The following SLC38A4 variants were observed in gnomAD, a reference collection of about 807,000 sequenced individuals.
SLC38A4 encodes solute carrier family 38 member 4, also known as sodium-coupled neutral amino acid transporter 4.
In SLC38A4, 20 loss-of-function variants were observed where a neutral mutation model predicts 63.1. The ratio of observed to expected loss-of-function variants is 0.32; its 90% CI spans 0.22 to 0.46. The LOEUF (loss-of-function observed/expected upper bound fraction) is 0.46, where lower values mean the gene tolerates loss of function less well. SLC38A4 is among the 20% of genes least tolerant of loss of function. SLC38A4 has a pLI of 1.00. For synonymous variants in SLC38A4, 230 were observed against 225.5 expected, an observed-to-expected ratio of 1.02 and a Z score of -0.18; for missense variants, 526 against 663.6, an observed-to-expected ratio of 0.79 and a Z score of 2.28.
At position 46,822,332 on chromosome 12, in the gene SLC38A4, G is replaced by A. The variant is rs1268306224; in HGVS notation, c.-305+3571C>T. Among the ~76,000 whole-genome samples the A allele has an allele frequency of 2.0e-5, 3 of 151,992 alleles. No individual in the cohort carries two copies. In the East Asian group the frequency reaches 5.8e-4, roughly 29 times the overall value. On this transcript the variant is annotated intron_variant, in intron 1 of 16. Coordinates refer to ENST00000266579, the MANE Select transcript of SLC38A4 (RefSeq NM_018018.5). ...TACATATTTTTATGAGACCTAAGAT[G>A]GGAAGACTCCTTCTATTTGTTTCTG...
intron 1 of SLC38A4, among the ~76,000 whole-genome samples, chr12:46,814,705 G>A (rs1939404459): frequency 6.6e-6 from 1 of 151,916 alleles, no homozygotes; most frequent in South Asian, 2.1e-4. Flanking sequence ...ATGAATCAGT[G>A]CATGGATTAG....
intron 4 of SLC38A4, among the ~76,000 whole-genome samples, chr12:46,788,236 TA>T (rs1205452698): frequency 3.9e-5 from 6 of 152,088 alleles, no homozygotes; most frequent in Admixed American, 2.6e-4. Context: ...GAGGCCTCAG[TA>T]AAAATACAAA....
chr12:46,776,841 C>T, intron 13 of SLC38A4, 63 bp downstream of exon 13: 1 of 1,418,042 alleles, frequency 7.1e-7, no homozygotes. Context: ...ATCATACCTA[C>T]CCAGGTCAAG....
intron 5 of SLC38A4, among the ~76,000 whole-genome samples, chr12:46,786,587 C>A (rs180435): frequency 6.6e-6 from 1 of 151,908 alleles, no homozygotes; most frequent in African/African-American, 2.4e-5. Context: ...GGAAAGGCAG[C>A]TTTTTTTGTC....
chr12:46,785,738 C>CTTTT (rs11335369), intron 5 of SLC38A4, among the ~76,000 whole-genome samples: 2 of 66,920 alleles, frequency 3.0e-5, no homozygotes, highest in Non-Finnish European at 5.9e-5. Flanking sequence ...ACGAAAATTC[C>CTTTT]TTTTTTTTTT....
chr12:46,807,347 A>C (rs1159827794), intron 1 of SLC38A4, among the ~76,000 whole-genome samples: 2 of 151,944 alleles, frequency 1.3e-5, no homozygotes, highest in Non-Finnish European at 2.9e-5. Context: ...ATTCTCCAAG[A>C]AGTTACCTTT....
chr12:46,785,759 T>C (rs1938747994), intron 5 of SLC38A4, among the ~76,000 whole-genome samples: 1 of 147,262 alleles, frequency 6.8e-6, no homozygotes. Flanking sequence ...TTTTTTTTTT[T>C]TTTGCATTCA....
chr12:46,802,340 T>C (rs1939146906), intron 2 of SLC38A4, among the ~76,000 whole-genome samples: 1 of 152,222 alleles, frequency 6.6e-6, no homozygotes, highest in African/African-American at 2.4e-5. Context: ...TCATGAGTTC[T>C]GGATGCAGTA....
intron 3 of SLC38A4, among the ~76,000 whole-genome samples, chr12:46,792,043 G>T (rs1247377062): frequency 1.3e-5 from 2 of 152,116 alleles, no homozygotes; most frequent in Non-Finnish European, 2.9e-5. Flanking sequence ...TTCTCTTATG[G>T]CTATTGGAGA....
upstream of SLC38A4, among the ~76,000 whole-genome samples, chr12:46,826,443 T>C (rs1413794703): frequency 6.6e-6 from 1 of 152,206 alleles, no homozygotes; most frequent in Non-Finnish European, 1.5e-5. Context: ...AATCCTATTT[T>C]ATTGAGTGTT....
upstream of SLC38A4, among the ~76,000 whole-genome samples, chr12:46,827,881 T>C (rs1939680985): frequency 6.6e-6 from 1 of 152,154 alleles, no homozygotes; most frequent in Non-Finnish European, 1.5e-5. Flanking sequence ...TGCTTTCTAT[T>C]ATGGGGCCAT....
chr12:46,815,948 A>C (rs1939434484), intron 1 of SLC38A4, among the ~76,000 whole-genome samples: 1 of 151,884 alleles, frequency 6.6e-6, no homozygotes, highest in African/African-American at 2.4e-5. Flanking sequence ...ATACATAGAA[A>C]GCCCTGAAAA....
chr12:46,789,653 T>A (rs1240966804), intron 3 of SLC38A4, among the ~76,000 whole-genome samples: 2 of 152,218 alleles, frequency 1.3e-5, no homozygotes, highest in Non-Finnish European at 2.9e-5. Flanking sequence ...TTTAGTTGTT[T>A]TTATATAAAA....
chr12:46,778,742 A>G lies in SLC38A4; in HGVS notation c.752T>C (p.Leu251Pro). The G allele has an allele frequency of 6.2e-7, 1 of 1,612,766 alleles. No individual in the cohort carries two copies. Among genetic ancestry groups the G allele is most frequent in the Non-Finnish European group, 8.5e-7 (1 of 1,179,186 alleles). ...TCCAACACTGTGATCCAAAACAGGT[A>G]GAGGGCAGGGTATTTGGAATTTCTT... ...IYKKFQIPCP[L>P]PVLDHSVGNL... Residue 251 changes from leucine (L) to proline (P), a missense_variant, in exon 11 of 17, where the codon CTA becomes CCA. Physicochemically the swap from Leu to Pro is moderately conservative, Grantham distance 98. Coordinates refer to ENST00000266579, the MANE Select transcript of SLC38A4 (RefSeq NM_018018.5).
At chr12:46,831,699 C>T (rs905450086) in intron 1 of SLC38A4, among the ~76,000 whole-genome samples, 2 of 152,212 alleles carry the variant, frequency 1.3e-5, no homozygotes, top group South Asian at 2.1e-4. Context: ...CTGGGGCGAC[C>T]CAGCTATCAG....
rs529680261 is a variant in SLC38A4 at position 46,799,902 on chromosome 12, C to G, written c.-113+3701G>C. 2.6e-5 allele frequency among the ~76,000 whole-genome samples: 4 copies of G among 152,192 alleles called. No individual in the cohort carries two copies. The South Asian group carries it at 6.2e-4, about 24-fold the overall frequency. ...ACTCCTTGCACCTGAGGAACTCAGC[C>G]TACTAAAACAAACAGATTTTGAGCA... On this transcript the variant is annotated intron_variant, in intron 2 of 16. Coordinates refer to ENST00000266579, the MANE Select transcript of SLC38A4 (RefSeq NM_018018.5).
intron 6 of SLC38A4, 74 bp downstream of exon 6, chr12:46,785,030 T>C (rs1938729119): frequency 8.5e-7 from 1 of 1,180,470 alleles, no homozygotes; most frequent in African/African-American, 1.5e-5. Context: ...CATCCTAAGG[T>C]TATGAAGCAA....
chr12:46,807,496 T>C (rs911708017), intron 1 of SLC38A4, among the ~76,000 whole-genome samples: 10 of 152,134 alleles, frequency 6.6e-5, no homozygotes, highest in Non-Finnish European at 1.0e-4. Context: ...TTTTGATTAC[T>C]TCTCTTTAAT....
chr12:46,816,478 A>T (rs1939443886), intron 1 of SLC38A4, among the ~76,000 whole-genome samples: 1 of 151,948 alleles, frequency 6.6e-6, no homozygotes, highest in Non-Finnish European at 1.5e-5. Context: ...AAAAAACTTT[A>T]AAAAACAGAC....
Sources: allele counts gnomAD v4.1 joint callset (sites outside exome capture counted in the v4.1 genomes callset), GRCh38; gene constraint gnomAD v4.1.1; transcripts MANE v1.5; gene names NCBI Gene and HGNC (gene_info 2026-07-23, HGNC 2026-07-21).